Variants in GPRASP3 observed in about 807,000 individuals in gnomAD.
GPRASP3 encodes G protein-coupled receptor associated sorting protein 3.
chrX:102,745,636 G>GT, the GPRASP3 span, among the ~76,000 whole-genome samples: 1 of 111,493 alleles, frequency 9.0e-6, no homozygotes, highest in African/African-American at 3.3e-5. Context: ...ACACCCAGCA[G>GT]TCCCTGGTTG....
At chrX:102,739,771 G>T in the GPRASP3 span, among the ~76,000 whole-genome samples, 2 of 111,837 alleles carry the variant, frequency 1.8e-5, no homozygotes, top group African/African-American at 6.5e-5. Context: ...TAGTGTTCTG[G>T]CCACATGCCA....
At chrX:102,727,896 A>G in the GPRASP3 span, among the ~76,000 whole-genome samples, 4 of 112,011 alleles carry the variant, frequency 3.6e-5, no homozygotes, top group African/African-American at 1.3e-4. Flanking sequence ...TAAAGACGTT[A>G]AGTACCTTTG....
chrX:102,749,405 A>G, the GPRASP3 span: 1 of 1,212,046 alleles, frequency 8.3e-7, no homozygotes, highest in Non-Finnish European at 1.1e-6. Flanking sequence ...AGCACTAAGA[A>G]TGATAAACCT....
the GPRASP3 span, among the ~76,000 whole-genome samples, chrX:102,739,899 G>A: frequency 9.0e-6 from 1 of 111,588 alleles, no homozygotes; most frequent in East Asian, 2.8e-4. Flanking sequence ...AGCCATGGGC[G>A]CATGAATAAT....
the GPRASP3 span, chrX:102,749,560 A>C: frequency 1.7e-4 from 210 of 1,209,722 alleles, no homozygotes; most frequent in Non-Finnish European, 2.2e-4. Flanking sequence ...TTTTGACCCT[A>C]ATCCTAAACC....
At chrX:102,724,717 T>G in the GPRASP3 span, among the ~76,000 whole-genome samples, 1 of 92,407 alleles carries the variant, frequency 1.1e-5, no homozygotes, top group East Asian at 4.1e-4. Flanking sequence ...GCAGGGTGAC[T>G]GGTGTGTGTG....
chrX:102,726,169 T>C, the GPRASP3 span, among the ~76,000 whole-genome samples: 2 of 112,213 alleles, frequency 1.8e-5, no homozygotes, highest in Non-Finnish European at 3.8e-5. Flanking sequence ...TTGTTTCCAT[T>C]CTACATATGA....
At chrX:102,749,003 G>C in the GPRASP3 span, 2 of 1,204,428 alleles carry the variant, frequency 1.7e-6, no homozygotes, top group Admixed American at 4.5e-5. Context: ...ACCATGGCTG[G>C]GACTAAGAAT....
At chrX:102,729,551 T>G in the GPRASP3 span, among the ~76,000 whole-genome samples, 2 of 112,071 alleles carry the variant, frequency 1.8e-5, no homozygotes, top group Admixed American at 9.4e-5. Flanking sequence ...AGAAGAATAT[T>G]TAGGGAAATG....
the GPRASP3 span, among the ~76,000 whole-genome samples, chrX:102,740,004 C>A: frequency 8.9e-6 from 1 of 111,846 alleles, no homozygotes; most frequent in African/African-American, 3.3e-5. Context: ...GCGTGAAAAG[C>A]CATTTTAGAA....
At chrX:102,748,816 A>G in the GPRASP3 span, 10 of 452,411 alleles carry the variant, frequency 2.2e-5, no homozygotes, top group Admixed American at 2.1e-4. Flanking sequence ...TGCCCTCTGT[A>G]TCATTGACAG....
At chrX:102,733,683 A>G in the GPRASP3 span, among the ~76,000 whole-genome samples, 1 of 109,440 alleles carries the variant, frequency 9.1e-6, no homozygotes, top group African/African-American at 3.3e-5. Context: ...GTCTTTTATT[A>G]GTTTTGTCCA....
At chrX:102,723,130 A>T in the GPRASP3 span, among the ~76,000 whole-genome samples, 33 of 112,049 alleles carry the variant, frequency 2.9e-4, no homozygotes, top group African/African-American at 1.0e-3. Context: ...TAAAAATTTT[A>T]AAAAATTTTA....
the GPRASP3 span, among the ~76,000 whole-genome samples, chrX:102,738,230 A>G: frequency 8.0e-5 from 9 of 112,489 alleles, no homozygotes; most frequent in African/African-American, 2.9e-4. Context: ...ATTTGCGAAG[A>G]GAGAACAGAG....
At chrX:102,739,728 G>A in the GPRASP3 span, among the ~76,000 whole-genome samples, 2 of 111,765 alleles carry the variant, frequency 1.8e-5, no homozygotes, top group Non-Finnish European at 3.8e-5. Context: ...CACATGATGA[G>A]TTGTAAGAAA....
At chrX:102,749,720 G>A in the GPRASP3 span, 2 of 1,211,428 alleles carry the variant, frequency 1.7e-6, no homozygotes, top group Non-Finnish European at 2.2e-6. Flanking sequence ...TCTGAGGCAA[G>A]CCCTCCTTCA....
the GPRASP3 span, chrX:102,751,758 T>C: frequency 6.5e-5 from 8 of 122,982 alleles, no homozygotes; most frequent in African/African-American, 2.0e-4. Flanking sequence ...GTGTCGAAAA[T>C]AGTAGGAGCC....
the GPRASP3 span, chrX:102,749,156 C>T: frequency 1.7e-6 from 2 of 1,210,725 alleles, no homozygotes; most frequent in South Asian, 1.8e-5. Flanking sequence ...AAGACAGATG[C>T]AGTAGCAGAG....
At chrX:102,722,420 A>G in the GPRASP3 span, among the ~76,000 whole-genome samples, 1 of 112,527 alleles carries the variant, frequency 8.9e-6, no homozygotes, top group Non-Finnish European at 1.9e-5. Flanking sequence ...CAGAATATGA[A>G]TGAGTTCACC....
Sources: allele counts gnomAD v4.1 joint callset (sites outside exome capture counted in the v4.1 genomes callset), GRCh38; gene constraint gnomAD v4.1.1; transcripts MANE v1.5; gene names NCBI Gene and HGNC (gene_info 2026-07-23, HGNC 2026-07-21).